Variants in MICAL2 observed in about 807,000 individuals in gnomAD.
MICAL2 encodes the protein [F-actin]-monooxygenase MICAL2.
In MICAL2, 77 loss-of-function variants were observed where a neutral mutation model predicts 127.3. The ratio of observed to expected loss-of-function variants is 0.60; its 90% confidence interval spans 0.50 to 0.73. The LOEUF is 0.73. MICAL2 is among the 30% of genes least tolerant of loss of function. The pLI, the probability that MICAL2 is intolerant of heterozygous loss-of-function variation, is 0.00. For synonymous variants in MICAL2, 570 were observed against 551.1 expected (o/e 1.03, Z -0.48); for missense variants, 1,351 against 1,434.4 (o/e 0.94, Z 0.94).
intron 34 of MICAL2, among the ~76,000 whole-genome samples, chr11:12,357,459 A>C (rs1466776009): frequency 6.6e-6 from 1 of 152,212 alleles, no homozygotes; most frequent in Admixed American, 6.5e-5. Context: ...GTCAGTGTGG[A>C]AACACCTTCC....
At chr11:12,260,952 T>G (rs1192516958) in intron 26 of MICAL2, 9 of 985,356 alleles carry the variant, frequency 9.1e-6, no homozygotes, top group Non-Finnish European at 9.6e-6. Context: ...CCCATTGGCA[T>G]TTGACCATGG....
intron 2 of MICAL2, among the ~76,000 whole-genome samples, chr11:12,146,224 T>C (rs1852885719): frequency 6.6e-6 from 1 of 152,012 alleles, no homozygotes; most frequent in Non-Finnish European, 1.5e-5. Context: ...CGGGATCTAA[T>C]TAAACTAAAG....
At chr11:12,285,056 G>A (rs1464680755) in intron 2 of MICAL2, among the ~76,000 whole-genome samples, 3 of 152,254 alleles carry the variant, frequency 2.0e-5, no homozygotes, top group East Asian at 1.9e-4. Context: ...CTGAAAACTC[G>A]GGGATCAGGA....
chr11:12,302,575 T>C (rs1864059474), intron 29 of MICAL2, among the ~76,000 whole-genome samples: 1 of 152,194 alleles, frequency 6.6e-6, no homozygotes, highest in Admixed American at 6.5e-5. Context: ...GAAGTCTCTG[T>C]TGAAGTCTTT....
intron 1 of MICAL2, among the ~76,000 whole-genome samples, chr11:12,113,403 G>C (rs1388290000): frequency 1.3e-5 from 2 of 149,788 alleles, no homozygotes; most frequent in Non-Finnish European, 2.9e-5. Context: ...CAACAAAAAA[G>C]GTTACAACTT....
At chr11:12,213,885 C>T (rs934731081) in intron 7 of MICAL2, among the ~76,000 whole-genome samples, 4 of 152,134 alleles carry the variant, frequency 2.6e-5, no homozygotes, top group Non-Finnish European at 4.4e-5. Flanking sequence ...CACTGCCCTT[C>T]CCCAAGAAGG....
At chr11:12,264,837 T>G (rs536094475), downstream of MICAL2, among the ~76,000 whole-genome samples, 3 of 152,348 alleles carry the variant, frequency 2.0e-5, no homozygotes, top group East Asian at 5.8e-4. Flanking sequence ...ATGTTTGTCC[T>G]AGGCCTTATT....
intron 4 of MICAL2, 139 bp downstream of exon 4, chr11:12,204,596 G>A: frequency 1.2e-6 from 1 of 805,288 alleles, no homozygotes; most frequent in South Asian, 1.8e-5. Context: ...CAGACAACTA[G>A]TAAAAGGCCT....
chr11:12,310,512 C>G (rs1864161521), intron 29 of MICAL2, among the ~76,000 whole-genome samples: 1 of 152,118 alleles, frequency 6.6e-6, no homozygotes, highest in Admixed American at 6.6e-5. Context: ...TCTGGGTTCT[C>G]TATTCTGTTC....
At position 12,247,039 on chromosome 11, in the gene MICAL2, T is replaced by C. The variant is rs534577172; in HGVS notation, c.2785-2145T>C. Among the ~76,000 whole-genome samples, 11 of 152,296 alleles carry C rather than the reference T, an allele frequency of 7.2e-5. No individual in the cohort carries two copies. The South Asian group carries it at 2.3e-3, about 32-fold the overall frequency. On this transcript the variant is annotated intron_variant, in intron 21 of 27. Coordinates refer to ENST00000683283, the MANE Select transcript of MICAL2 (RefSeq NM_001282663.2). ...TGGTTGGGTGGGGGCTGGAGAGCTC[T>C]TCCTGTGATGGTGAGAACTGAGCAG...
chr11:12,198,524 A>C (rs1860240947), intron 3 of MICAL2, among the ~76,000 whole-genome samples: 1 of 152,160 alleles, frequency 6.6e-6, no homozygotes, highest in African/African-American at 2.4e-5. Context: ...TATTCACGGT[A>C]AACCAGTAAC....
At chr11:12,287,084 C>T in intron 2 of MICAL2, 1 of 398,988 alleles carries the variant, frequency 2.5e-6, no homozygotes, top group Non-Finnish European at 4.4e-6. Context: ...TCTTTTTCCA[C>T]AGCAGCTCTG....
intron 1 of MICAL2, among the ~76,000 whole-genome samples, chr11:12,111,464 C>G (rs1440647630): frequency 6.6e-6 from 1 of 152,248 alleles, no homozygotes; most frequent in Non-Finnish European, 1.5e-5. Flanking sequence ...GCTGCCGGGC[C>G]AGACGGGGCA....
intron 3 of MICAL2, among the ~76,000 whole-genome samples, chr11:12,194,300 G>A (rs775933632): frequency 7.2e-5 from 11 of 152,228 alleles, no homozygotes; most frequent in Non-Finnish European, 1.5e-4. Flanking sequence ...CCACTGAATA[G>A]CTACAGCTGT....
chr11:12,297,239 A>T (rs183058437), downstream of MICAL2, among the ~76,000 whole-genome samples: 1 of 152,258 alleles, frequency 6.6e-6, no homozygotes, highest in East Asian at 1.9e-4. Flanking sequence ...TGAAATATAG[A>T]TTTCGGAGTG....
rs1218239123 is a variant in MICAL2, at chr11:12,138,487, G to A, written c.-78+27G>A. On this transcript the variant is annotated intron_variant, in intron 2 of 27. Coordinates refer to ENST00000683283, the MANE Select transcript of MICAL2 (RefSeq NM_001282663.2). ...TGAGTAAGTCACAGTGGTGGATCTT[G>A]TTTACCGTGGAGTAGCTCCTGGGGG... 5.3e-5 allele frequency: 8 copies of A among 152,248 alleles called. No individual in the cohort carries two copies. In the East Asian group the frequency reaches 1.5e-3, roughly 29 times the overall value. The allele number at this position is 152,248 out of a possible 1,614,324, so 9.4% of individuals were successfully genotyped here. A position where few individuals can be genotyped will look rare whatever the true frequency, so the allele number is the denominator to read the frequency against.
At chr11:12,243,942 G>T in intron 20 of MICAL2, 45 bp from the exon 21 acceptor site, 2 of 1,608,326 alleles carry the variant, frequency 1.2e-6, no homozygotes, top group South Asian at 1.1e-5. Flanking sequence ...CACCATGTGT[G>T]ACTCCTGGGA....
intron 32 of MICAL2, among the ~76,000 whole-genome samples, chr11:12,330,737 A>T (rs887617611): frequency 1.3e-5 from 2 of 151,930 alleles, no homozygotes; most frequent in Non-Finnish European, 2.9e-5. Context: ...GGAAAACAAA[A>T]ATCTAATAAT....
chr11:12,185,598 G>A (rs1422947221), intron 3 of MICAL2, among the ~76,000 whole-genome samples: 2 of 152,178 alleles, frequency 1.3e-5, no homozygotes, highest in Non-Finnish European at 2.9e-5. Context: ...TTTCATGGAT[G>A]AGCAGACTGT....
Sources: allele counts gnomAD v4.1 joint callset (sites outside exome capture counted in the v4.1 genomes callset), GRCh38; gene constraint gnomAD v4.1.1; transcripts MANE v1.5; gene names NCBI Gene and HGNC (gene_info 2026-07-23, HGNC 2026-07-21).